Variants in RRAS observed in about 807,000 individuals in gnomAD.
The protein encoded by RRAS is ras-related protein R-Ras.
RRAS carries 18 observed loss-of-function variants against 23.3 expected under a neutral mutation model. The ratio of observed to expected loss-of-function variants is 0.77; its 90% CI spans 0.53 to 1.15. The LOEUF is 1.15. RRAS is among the 50% of genes most tolerant of loss of function. The pLI is 0.00. For synonymous variants in RRAS, 133 were observed against 138.3 expected, an observed-to-expected ratio of 0.96 and a Z score of 0.27; for missense variants, 291 against 317.1, an observed-to-expected ratio of 0.92 and a Z score of 0.62.
rs748366671 is a variant in RRAS at position 49,636,676 on chromosome 19, G to A, written c.396C>T (p.Arg132=). ...LFTQILRVKD[R]DDFPVVLVGN... ...CGACCAACACAACGGGGAAGTCGTC[G>A]CGGTCCTTGACCCGCAGAATCTGCG... Residue 132 remains arginine, a synonymous_variant, in exon 4 of 6, where the codon CGC becomes CGT. Transcript: ENST00000246792. This position sits in a 1 kb window ranked among gnomAD's most constrained non-coding sequence, Gnocchi z 4.5. The A allele has an allele frequency of 1.9e-5, 30 of 1,613,950 alleles. No individual in the cohort carries two copies. In the Admixed American group the frequency reaches 3.7e-4, roughly 20 times the overall value.
chr19:49,638,078 TTCCTCCTCCCCCGTC>T (rs900438412), intron 1 of RRAS, among the ~76,000 whole-genome samples: 58 of 152,126 alleles, frequency 3.8e-4, no homozygotes, highest in South Asian at 2.1e-3. Context: ...CCTCCCTCTC[TTCCTCCTCCCCCGTC>T]TCCTCCTCCC....
At position 49,636,332 on chromosome 19, in the gene RRAS, G is replaced by A. The variant is rs1162188640; in HGVS notation, c.453+287C>T. On this transcript the variant is annotated intron_variant, in intron 4 of 5. Coordinates refer to ENST00000246792, the MANE Select transcript of RRAS (RefSeq NM_006270.5). This position sits in a 1 kb window ranked among gnomAD's most constrained non-coding sequence, Gnocchi z 4.5. ...TGCTGGGGCTGGTGGGAGGTTGGCTGGAAGGGAGGAATGCGAGGAAGGGGC... is the reference window on the plus strand; with the variant it reads ...TGCTGGGGCTGGTGGGAGGTTGGCTAGAAGGGAGGAATGCGAGGAAGGGGC... 6.6e-6 allele frequency among the ~76,000 whole-genome samples: 1 copy of A among 152,124 alleles called. No individual in the cohort carries two copies. The highest frequency in any genetic ancestry group is 1.5e-5 in the Non-Finnish European group (1 of 68,008).
At chr19:49,637,458 C>T (rs1024310730) in intron 1 of RRAS, among the ~76,000 whole-genome samples, 2 of 152,166 alleles carry the variant, frequency 1.3e-5, no homozygotes, top group East Asian at 1.9e-4. Flanking sequence ...AGGCATGCGC[C>T]ACCACACCTG....
At chr19:49,639,868 G>T in intron 1 of RRAS, 78 bp downstream of exon 1, 1 of 1,312,830 alleles carries the variant, frequency 7.6e-7, no homozygotes, top group African/African-American at 1.5e-5. Flanking sequence ...GGTCAAGGGG[G>T]AAAAGGGGTC....
Position 49,640,122 on chromosome 19 carries a change from C to T in RRAS, c.-24G>A, listed in dbSNP as rs947291950. On this transcript the variant is annotated 5_prime_UTR_variant, in exon 1 of 6. Coordinates refer to ENST00000246792, the MANE Select transcript of RRAS (RefSeq NM_006270.5). ...ATGTCGCCACCGCTGCTGCTGCCTT[C>T]GCTACCGCCTGCGGGGGAGCCGGGC... The T allele has an allele frequency of 5.9e-6, 8 of 1,363,932 alleles. No homozygotes were observed. In the African/African-American group the frequency reaches 1.1e-4, roughly 18 times the overall value. The allele number at this position is 1,363,932 out of a possible 1,614,324, so 84.5% of individuals were successfully genotyped here.
At position 49,636,421 on chromosome 19, in the gene RRAS, A is replaced by C. The variant is rs1014008867; in HGVS notation, c.453+198T>G. The stretch of plus-strand genomic sequence containing the variant: ...CCGTCCAGCAGCCTCTCCTGAGGAC[A>C]CTTGCATGCTAGGCCCTCTGCTCGG... On this transcript the variant is annotated intron_variant, in intron 4 of 5. Transcript: ENST00000246792. The surrounding 1 kb of genome is among the most constrained non-coding windows in gnomAD (Gnocchi z 4.5). Among the ~76,000 whole-genome samples the C allele has an allele frequency of 2.0e-5, 3 of 152,056 alleles. No individual in the cohort carries two copies. The highest frequency in any genetic ancestry group is 4.4e-5 in the Non-Finnish European group (3 of 67,978).
rs1271173516 is a variant in RRAS at position 49,640,071 on chromosome 19, C to T, written c.28G>A (p.Gly10Arg). 7.1e-7 allele frequency: 1 copy of T among 1,417,702 alleles called. No homozygotes were observed. Among genetic ancestry groups the T allele is most frequent in the Non-Finnish European group, 9.1e-7 (1 of 1,099,312 alleles). The allele number at this position is 1,417,702 out of a possible 1,614,324, so 87.8% of individuals were successfully genotyped here. A position where few individuals can be genotyped will look rare whatever the true frequency, so the allele number is the denominator to read the frequency against. MSSGAASGT[G>R]RGRPRGGGPG... ...CCCCCGCCCCGGGGCCGCCCCCGCC[C>T]TGTCCCGGACGCCGCCCCGCTGCTC... Residue 10 changes from glycine (G) to arginine (R), a missense_variant, in exon 1 of 6, where the codon GGG becomes AGG. Physicochemically the swap from Gly to Arg is moderately radical, Grantham distance 125 (BLOSUM62 -2). Transcript: ENST00000246792.
chr19:49,637,084 G>A lies in RRAS; in HGVS notation c.200C>T (p.Thr67Met), dbSNP rs778415296. ...GATGCCATCCACACTGCAGATCTTCGTGTAGGAGTCCTCAATAGTGGGGTC... is the reference window on the plus strand; with the variant it reads ...GATGCCATCCACACTGCAGATCTTCATGTAGGAGTCCTCAATAGTGGGGTC... Reference protein sequence around the residue: ...DYDPTIEDSYTKICSVDGIPA... With the variant: ...DYDPTIEDSYMKICSVDGIPA... Residue 67 changes from threonine (T) to methionine (M), a missense_variant, in exon 2 of 6, where the codon ACG (threonine) becomes ATG (methionine). By Grantham distance (81) the Thr-to-Met change is moderately conservative (BLOSUM62 -1). Transcript: ENST00000246792. 2.1e-5 allele frequency: 34 copies of A among 1,613,502 alleles called. No individual in the cohort carries two copies. Among genetic ancestry groups the A allele is most frequent in the African/African-American group, 2.7e-5 (2 of 74,868 alleles).
intron 1 of RRAS, 119 bp downstream of exon 1, chr19:49,639,827 T>C: frequency 2.6e-6 from 2 of 781,480 alleles, no homozygotes; most frequent in South Asian, 3.6e-5. Context: ...CTTTTAAGAT[T>C]AGAGGGCCTT....
In RRAS at chr19:49,636,811, C is replaced by CCCCTGTCACCTCTGCCGGT. The variant is rs763664417; in HGVS notation, c.344+12_344+13insACCGGCAGAGGTGACAGGG. The CCCCTGTCACCTCTGCCGGT allele has an allele frequency of 1.9e-6, 3 of 1,611,932 alleles. No homozygotes were observed. Among genetic ancestry groups the CCCCTGTCACCTCTGCCGGT allele is most frequent in the Non-Finnish European group, 2.5e-6 (3 of 1,179,068 alleles). On this transcript the variant is annotated intron_variant, in intron 3 of 5. Coordinates refer to ENST00000246792, the MANE Select transcript of RRAS (RefSeq NM_006270.5). This position sits in a 1 kb window ranked among gnomAD's most constrained non-coding sequence, Gnocchi z 4.5. ...CACCCACCCACTGCTCCGCCACCAG[C>CCCCTGTCACCTCTGCCGGT]AACCCCTGTCACCTCTGCCGGTCGT... is the stretch of plus-strand genomic sequence containing the variant.
Position 49,635,578 on chromosome 19 carries a change from A to G in RRAS, c.655T>C (p.Ter219GlnextTer24). The G allele has an allele frequency of 6.9e-7, 1 of 1,439,040 alleles. No individual in the cohort carries two copies. Among genetic ancestry groups the G allele is most frequent in the Non-Finnish European group, 9.2e-7 (1 of 1,087,564 alleles). 89.1% of individuals were successfully genotyped at this position (1,439,040 alleles called of 1,614,324 possible). A position where few individuals can be genotyped will look rare whatever the true frequency, so the allele number is the denominator to read the frequency against. The change falls in exon 6 of 6, where the codon TAG becomes CAG. Residue 219 changes from the stop codon to glutamine (Q), a stop_lost. Coordinates refer to ENST00000246792, the MANE Select transcript of RRAS (RefSeq NM_006270.5). ...TGGTTGCTTCTCTCTTGCCTGGGCTACAGGAGGACGCAGGGGCAGCCCCCG... is the reference window on the plus strand; with the variant it reads ...TGGTTGCTTCTCTCTTGCCTGGGCTGCAGGAGGACGCAGGGGCAGCCCCCG... The part of the protein sequence containing the change: ...KGGGCPCVLL[*>Q]
Position 49,636,739 on chromosome 19 carries a change from G to A in RRAS, c.345-12C>T. ...CCACCTCGTTGAAACTGCGAGTGAA[G>A]CCGGAGGCATGAGGTCCAGCCAGCT... is the stretch of plus-strand genomic sequence containing the variant. On this transcript the variant is annotated splice_polypyrimidine_tract_variant and intron_variant, in intron 3 of 5. Transcript: ENST00000246792. The surrounding 1 kb of genome is among the most constrained non-coding windows in gnomAD (Gnocchi z 4.5). The A allele has an allele frequency of 6.2e-6, 10 of 1,613,218 alleles. No homozygotes were observed. Among genetic ancestry groups the A allele is most frequent in the Non-Finnish European group, 8.5e-6 (10 of 1,179,376 alleles).
chr19:49,636,895 C>T lies in RRAS; in HGVS notation c.273G>A (p.Gly91=), dbSNP rs1482407837. Residue 91 remains glycine, a synonymous_variant, in exon 3 of 6, where the codon GGG becomes GGA. Coordinates refer to ENST00000246792, the MANE Select transcript of RRAS (RefSeq NM_006270.5). The surrounding 1 kb of genome is among the most constrained non-coding windows in gnomAD (Gnocchi z 4.5). ...ILDTAGQEEF[G]AMREQYMRAG... ...CACGCATGTACTGCTCTCTCATGGC[C>T]CCGAACTCTTCCTGGCCCGCGGTGT... 1 of 1,613,492 alleles carries T rather than the reference C, an allele frequency of 6.2e-7. No individual in the cohort carries two copies. Among genetic ancestry groups the T allele is most frequent in the Non-Finnish European group, 8.5e-7 (1 of 1,180,018 alleles).
Position 49,640,087 on chromosome 19 carries a change from C to G in RRAS, c.12G>C (p.Gly4=). The change falls in exon 1 of 6, where the codon GGG becomes GGC. Residue 4 remains glycine (G), a synonymous_variant. Transcript: ENST00000246792. MSS[G]AASGTGRGRP... ...GCCCCCGCCCTGTCCCGGACGCCGC[C>G]CCGCTGCTCATGTCGCCACCGCTGC... 1.4e-6 allele frequency: 2 copies of G among 1,397,750 alleles called. No individual in the cohort carries two copies. The highest frequency in any genetic ancestry group is 1.8e-6 in the Non-Finnish European group (2 of 1,088,778). The allele number at this position is 1,397,750 out of a possible 1,614,324, so 86.6% of individuals were successfully genotyped here. A position where few individuals can be genotyped will look rare whatever the true frequency, so the allele number is the denominator to read the frequency against.
chr19:49,636,508 G>T lies in RRAS; in HGVS notation c.453+111C>A. On this transcript the variant is annotated intron_variant, in intron 4 of 5. Transcript: ENST00000246792. This position sits in a 1 kb window ranked among gnomAD's most constrained non-coding sequence, Gnocchi z 4.5. ...ACCCATCTAGGTGAGCTGTGTGACA[G>T]TGGCAGTCGCAGCACTGCAGGAACA... is the stretch of plus-strand genomic sequence containing the variant. 2.5e-6 allele frequency: 2 copies of T among 813,280 alleles called. No homozygotes were observed. The highest frequency in any genetic ancestry group is 2.8e-5 in the South Asian group (2 of 70,966). 50.4% of individuals were successfully genotyped at this position (813,280 alleles called of 1,614,324 possible).
chr19:49,635,809 A>G lies in RRAS; in HGVS notation c.497T>C (p.Val166Ala). 6.5e-7 allele frequency: 1 copy of G among 1,548,380 alleles called. No homozygotes were observed. Among genetic ancestry groups the G allele is most frequent in the Non-Finnish European group, 8.8e-7 (1 of 1,136,912 alleles). ...TTTGGCCGAGGCCTCAAAGTAGGCCACGTGGTGGGAGGCGCCGAAGGCAGA... is the reference window on the plus strand; with the variant it reads ...TTTGGCCGAGGCCTCAAAGTAGGCCGCGTGGTGGGAGGCGCCGAAGGCAGA... ...EASAFGASHH[V>A]AYFEASAKLR... The change falls in exon 5 of 6, where the codon GTG (valine) becomes GCG (alanine). Residue 166 changes from valine to alanine, a missense_variant. Val to Ala is a moderately conservative substitution (Grantham distance 64). Transcript: ENST00000246792.
At chr19:49,639,881 G>C (rs934302164) in intron 1 of RRAS, 65 bp downstream of exon 1, 1 of 1,427,300 alleles carries the variant, frequency 7.0e-7, no homozygotes, top group Middle Eastern at 1.8e-4. Flanking sequence ...AAGGGGTCTC[G>C]GGGATCCCCC....
intron 1 of RRAS, among the ~76,000 whole-genome samples, chr19:49,638,399 T>C (rs916278621): frequency 6.6e-6 from 1 of 152,088 alleles, no homozygotes; most frequent in Non-Finnish European, 1.5e-5. Context: ...TGCGGTAGCA[T>C]GTCAGGCCAA....
intron 1 of RRAS, among the ~76,000 whole-genome samples, chr19:49,638,498 A>G (rs2081007023): frequency 6.6e-6 from 1 of 151,826 alleles, no homozygotes; most frequent in Non-Finnish European, 1.5e-5. Flanking sequence ...ATTTCAGGAA[A>G]GGGGGTGATG....
Sources: gnomAD v4.1 joint callset for allele counts (sites outside exome capture counted in the v4.1 genomes callset) on GRCh38, gnomAD v4.1.1 for gene constraint, Gnocchi (gnomAD v3.1) non-coding constraint, MANE v1.5 for transcripts, NCBI Gene and HGNC (gene_info 2026-07-23, HGNC 2026-07-21) for gene names.